The following MAGI1 variants were observed in gnomAD, a reference collection of about 807,000 sequenced individuals.
MAGI1 encodes membrane-associated guanylate kinase, WW and PDZ domain-containing protein 1.
A neutral mutation model predicts 139.9 loss-of-function variants in MAGI1; 58 were observed. The observed-to-expected ratio is 0.41, with a 90% CI of 0.34 to 0.52. The LOEUF is 0.52. Among genes scored for constraint, MAGI1 ranks in the 20% least tolerant of loss-of-function variants. The pLI, the probability that MAGI1 is intolerant of heterozygous loss-of-function variation, is 0.12. For missense variants in MAGI1, 1,874 were observed against 1,901.6 expected (o/e 0.99, Z 0.27); for synonymous variants, 812 against 737.9 (o/e 1.10, Z -1.63).
intron 2 of MAGI1, among the ~76,000 whole-genome samples, chr3:65,500,028 T>A (rs560885902): frequency 1.5e-4 from 21 of 143,348 alleles, no homozygotes; most frequent in Non-Finnish European, 2.7e-4. Context: ...AACTTAGTCC[T>A]CACAAAAAAA....
chr3:65,812,445 TTC>T (rs530333757), intron 1 of MAGI1, among the ~76,000 whole-genome samples: 1,524 of 130,474 alleles, frequency 0.012, 31 homozygotes, highest in African/African-American at 0.038. Flanking sequence ...CTCTCTCTCT[TTC>T]TCTCTCTCTC....
At chr3:65,363,350 C>A (rs953089756) in intron 21 of MAGI1, 115 bp downstream of exon 21, 2 of 1,273,024 alleles carry the variant, frequency 1.6e-6, no homozygotes, top group African/African-American at 3.0e-5. Context: ...TTAAGAGAAT[C>A]ATGAAAGCTA....
intron 1 of MAGI1, among the ~76,000 whole-genome samples, chr3:65,714,806 C>A (rs143550338): frequency 0.019 from 2,837 of 152,006 alleles, 67 homozygotes; most frequent in African/African-American, 0.053. Context: ...ACACACACAC[C>A]CCCCACAACA....
chr3:65,835,552 G>T (rs1050034464), intron 1 of MAGI1, among the ~76,000 whole-genome samples: 3 of 150,848 alleles, frequency 2.0e-5, no homozygotes, highest in Admixed American at 1.3e-4. Flanking sequence ...TTAACAAATA[G>T]AACTCATGAG....
chr3:65,445,826 A>G (rs1375658757), intron 7 of MAGI1, among the ~76,000 whole-genome samples: 1 of 152,200 alleles, frequency 6.6e-6, no homozygotes, highest in Non-Finnish European at 1.5e-5. Flanking sequence ...CCAACTGCCC[A>G]CGCCTCTCAG....
chr3:65,429,261 C>G (rs567604168), intron 12 of MAGI1, among the ~76,000 whole-genome samples: 1 of 152,188 alleles, frequency 6.6e-6, no homozygotes, highest in Middle Eastern at 3.4e-3. Flanking sequence ...CCACACCCAA[C>G]TTAGGTTTTT....
At chr3:65,578,923 A>G (rs79120325) in intron 2 of MAGI1, among the ~76,000 whole-genome samples, 20,424 of 145,606 alleles carry the variant, frequency 0.14, 1,676 homozygotes, top group South Asian at 0.19. Flanking sequence ...TCTGTCTCCA[A>G]AGAGAGAGAG....
At chr3:65,785,695 T>C (rs2039321047) in intron 1 of MAGI1, among the ~76,000 whole-genome samples, 1 of 152,324 alleles carries the variant, frequency 6.6e-6, no homozygotes, top group East Asian at 1.9e-4. Context: ...TAAATATTTA[T>C]TAAATGAATG....
intron 1 of MAGI1, among the ~76,000 whole-genome samples, chr3:65,625,278 T>C (rs1308948152): frequency 1.3e-5 from 2 of 152,204 alleles, no homozygotes; most frequent in African/African-American, 2.4e-5. Flanking sequence ...ATGTAAGCTA[T>C]ACCAATAAAA....
At chr3:65,994,273 C>CAAAAA (rs35940908) in intron 1 of MAGI1, among the ~76,000 whole-genome samples, 13 of 109,400 alleles carry the variant, frequency 1.2e-4, no homozygotes, top group Non-Finnish European at 2.0e-4. Flanking sequence ...GACTCCATCT[C>CAAAAA]AAAAAAAAAA....
chr3:65,640,872 G>A (rs1380094188), intron 1 of MAGI1, among the ~76,000 whole-genome samples: 1 of 152,140 alleles, frequency 6.6e-6, no homozygotes, highest in Non-Finnish European at 1.5e-5. Flanking sequence ...AACACAGAAG[G>A]AGATCAAACG....
chr3:65,807,843 G>A (rs748023699), intron 1 of MAGI1, among the ~76,000 whole-genome samples: 5 of 152,066 alleles, frequency 3.3e-5, no homozygotes, highest in Non-Finnish European at 7.4e-5. Context: ...TCCATGTTAC[G>A]GATGAGAAAA....
At chr3:65,712,303 C>T (rs1169612969) in intron 1 of MAGI1, among the ~76,000 whole-genome samples, 1 of 151,940 alleles carries the variant, frequency 6.6e-6, no homozygotes, top group African/African-American at 2.4e-5. Context: ...CTGAGCCGCA[C>T]AGGGAGGCCA....
At chr3:65,465,339 G>GT (rs935818788) in intron 5 of MAGI1, among the ~76,000 whole-genome samples, 1,712 of 142,074 alleles carry the variant, frequency 0.012, 10 homozygotes, top group Middle Eastern at 0.029. Context: ...TTTGTTGGTT[G>GT]TTTTTTTTTT....
intron 1 of MAGI1, among the ~76,000 whole-genome samples, chr3:65,837,626 T>C (rs1441289000): frequency 1.3e-5 from 2 of 152,198 alleles, no homozygotes; most frequent in South Asian, 2.1e-4. Context: ...GCATCTTCTC[T>C]AAGGTATAAA....
intron 1 of MAGI1, among the ~76,000 whole-genome samples, chr3:65,683,484 A>G (rs1164358848): frequency 6.6e-6 from 1 of 151,260 alleles, no homozygotes; most frequent in Non-Finnish European, 1.5e-5. Flanking sequence ...ATTAAAAAAA[A>G]GAAAAGAAAA....
intron 1 of MAGI1, among the ~76,000 whole-genome samples, chr3:65,885,931 C>T (rs1317449389): frequency 6.6e-6 from 1 of 152,170 alleles, no homozygotes; most frequent in Non-Finnish European, 1.5e-5. Flanking sequence ...TGCATACACA[C>T]ATATACACTC....
intron 1 of MAGI1, among the ~76,000 whole-genome samples, chr3:65,950,058 A>AAAC (rs2063729029): frequency 1.5e-5 from 1 of 66,262 alleles, no homozygotes; most frequent in Admixed American, 1.8e-4. Flanking sequence ...AAAAAAAAAA[A>AAAC]CAAAAAAACA....
chr3:65,840,137 T>A (rs994996875), intron 1 of MAGI1, among the ~76,000 whole-genome samples: 10 of 133,992 alleles, frequency 7.5e-5, no homozygotes, highest in African/African-American at 2.4e-4. Flanking sequence ...AACTCCTTTA[T>A]TAGTTCTAAG....
Sources: gnomAD v4.1 joint callset for allele counts (sites outside exome capture counted in the v4.1 genomes callset) on GRCh38, gnomAD v4.1.1 for gene constraint, MANE v1.5 for transcripts, NCBI Gene and HGNC (gene_info 2026-07-23, HGNC 2026-07-21) for gene names.